MRPS5: variants seen among roughly 807,000 people sequenced by gnomAD.
MRPS5 encodes small ribosomal subunit protein uS5m.
In MRPS5, 27 loss-of-function variants were observed where a neutral mutation model predicts 51.9. That is an observed-to-expected ratio of 0.52 (90% CI 0.38 to 0.72). MRPS5 has a LOEUF of 0.72. Among genes scored for constraint, MRPS5 ranks in the 30% least tolerant of loss-of-function variants. MRPS5 has a pLI of 0.00. For synonymous variants in MRPS5, 196 were observed against 193.2 expected (o/e 1.01, Z -0.12); for missense variants, 570 against 545.7 (o/e 1.04, Z -0.44).
In MRPS5 at chr2:95,100,500, T is replaced by C. The variant is rs757309151; in HGVS notation, c.905A>G (p.His302Arg). 1.2e-6 allele frequency: 2 copies of C among 1,608,424 alleles called. No homozygotes were observed. Among genetic ancestry groups the C allele is most frequent in the South Asian group, 2.2e-5 (2 of 90,862 alleles). The stretch of plus-strand genomic sequence containing the variant: ...TTTGGGTTGTTTCTTCATCTTGATA[T>C]GCGTCCTTTTAAATCTTAATGAAAT... ...HDISLRFKRT[H>R]IKMKKQPKGY... Residue 302 changes from histidine (H) to arginine (R), a missense_variant, in exon 10 of 12, where the codon CAT becomes CGT. Physicochemically the swap from His to Arg is conservative, Grantham distance 29 (BLOSUM62 0). Transcript: ENST00000272418.
intron 10 of MRPS5, 94 bp from the exon 11 acceptor site, chr2:95,090,616 TC>T: frequency 6.9e-7 from 1 of 1,453,592 alleles, no homozygotes; most frequent in East Asian, 2.3e-5. Flanking sequence ...GCTCTGGGCT[TC>T]GGGAAACTGG....
intron 9 of MRPS5, 28 bp from the exon 10 acceptor site, chr2:95,100,564 G>A (rs1164258555): frequency 1.3e-6 from 2 of 1,534,238 alleles, no homozygotes; most frequent in Non-Finnish European, 1.8e-6. Context: ...AAACACAAGA[G>A]GATTAGGTGT....
chr2:95,109,797 C>T, intron 4 of MRPS5, 119 bp downstream of exon 4: 1 of 1,163,274 alleles, frequency 8.6e-7, no homozygotes, highest in Non-Finnish European at 1.2e-6. Flanking sequence ...AATTCTAAAA[C>T]CATAGATCGT....
chr2:95,097,383 A>T (rs1453660554), intron 10 of MRPS5, among the ~76,000 whole-genome samples: 1 of 152,220 alleles, frequency 6.6e-6, no homozygotes, highest in Non-Finnish European at 1.5e-5. Flanking sequence ...AAGAGCCCGC[A>T]TTGCCAAGAC....
At chr2:95,096,447 C>T (rs1675630369) in intron 10 of MRPS5, among the ~76,000 whole-genome samples, 1 of 152,180 alleles carries the variant, frequency 6.6e-6, no homozygotes, top group Non-Finnish European at 1.5e-5. Context: ...CAATAAAATA[C>T]TGGCAAACCA....
chr2:95,089,096 C>T (rs541827484), intron 11 of MRPS5, among the ~76,000 whole-genome samples: 4 of 152,012 alleles, frequency 2.6e-5, no homozygotes, highest in African/African-American at 7.2e-5. Context: ...AACCAAAAAC[C>T]AAAAACAGAA....
In MRPS5 at chr2:95,087,285, C is replaced by A; in HGVS notation, c.*72G>T. The A allele has an allele frequency of 8.3e-7, 1 of 1,203,168 alleles. No homozygotes were observed. The highest frequency in any genetic ancestry group is 1.2e-6 in the Non-Finnish European group (1 of 834,664). 74.5% of individuals were successfully genotyped at this position (1,203,168 alleles called of 1,614,324 possible). A position where few individuals can be genotyped will look rare whatever the true frequency, so the allele number is the denominator to read the frequency against. On this transcript the variant is annotated 3_prime_UTR_variant, in exon 12 of 12. Transcript: ENST00000272418. ...AACAAACAAAAGGCAAGGTAACATCCCAAGCTGTGAGGGGCTGAGTCTCTC... is the reference window on the plus strand; with the variant it reads ...AACAAACAAAAGGCAAGGTAACATCACAAGCTGTGAGGGGCTGAGTCTCTC...
intron 9 of MRPS5, 41 bp downstream of exon 9, chr2:95,100,796 A>T (rs1234599319): frequency 7.0e-7 from 1 of 1,434,494 alleles, no homozygotes; most frequent in Non-Finnish European, 9.5e-7. Context: ...TAACAAATGT[A>T]ATCCTGCAAA....
chr2:95,117,246 T>C (rs1229293393), intron 2 of MRPS5, among the ~76,000 whole-genome samples: 7 of 151,978 alleles, frequency 4.6e-5, no homozygotes, highest in Admixed American at 4.6e-4. Context: ...AATTTAAATC[T>C]CCTCTATTAA....
chr2:95,099,236 TA>T (rs957057351), intron 10 of MRPS5, among the ~76,000 whole-genome samples: 395 of 141,946 alleles, frequency 2.8e-3, no homozygotes, highest in Middle Eastern at 3.5e-3. Context: ...TTTTTAAAAT[TA>T]AAAAAAAAAA....
chr2:95,106,541 C>G (rs1675956150), intron 5 of MRPS5, 84 bp from the exon 6 acceptor site: 1 of 1,152,482 alleles, frequency 8.7e-7, no homozygotes, highest in African/African-American at 1.5e-5. Context: ...GGCACCATCA[C>G]AGACCTTTCG....
Position 95,087,156 on chromosome 2 carries a change from ATATG to A in MRPS5, c.*197_*200del. The A allele has an allele frequency of 2.0e-6, 1 of 507,818 alleles. No individual in the cohort carries two copies. The allele number at this position is 507,818 out of a possible 1,614,324, so 31.5% of individuals were successfully genotyped here. A position where few individuals can be genotyped will look rare whatever the true frequency, so the allele number is the denominator to read the frequency against. On this transcript the variant is annotated 3_prime_UTR_variant, in exon 12 of 12. Transcript: ENST00000272418. ...ATATTTAAAGTAGTCTTGAACTGAG[ATATG>A]TATGTAAAGGTTCTATCACATTGGC...
intron 2 of MRPS5, among the ~76,000 whole-genome samples, chr2:95,116,156 G>A (rs917379545): frequency 5.9e-5 from 9 of 151,738 alleles, no homozygotes; most frequent in African/African-American, 2.2e-4. Context: ...CACCCGCCTC[G>A]GCCTCCCAAA....
intron 1 of MRPS5, among the ~76,000 whole-genome samples, chr2:95,120,714 C>G (rs1433211150): frequency 2.0e-5 from 3 of 152,188 alleles, no homozygotes; most frequent in Admixed American, 6.5e-5. Flanking sequence ...CCTTAACTCC[C>G]TCATCTGTAA....
At position 95,119,846 on chromosome 2, in the gene MRPS5, T is replaced by C. The variant is rs562791133; in HGVS notation, c.58+1888A>G. Among the ~76,000 whole-genome samples the C allele has an allele frequency of 3.9e-5, 6 of 152,308 alleles. No individual in the cohort carries two copies. The South Asian group carries it at 1.2e-3, about 32-fold the overall frequency. On this transcript the variant is annotated intron_variant, in intron 1 of 11. Transcript: ENST00000272418. ...GGGAGGCCAAGGCGGGAGGATTGCC[T>C]GCACCCAGGAGTTAGAGACCAGCCT... is the stretch of plus-strand genomic sequence containing the variant.
intron 10 of MRPS5, chr2:95,090,862 C>T: frequency 4.2e-6 from 1 of 239,972 alleles, no homozygotes; most frequent in South Asian, 6.2e-5. Flanking sequence ...CACGTCTCTT[C>T]TCACCCTCCT....
intron 10 of MRPS5, among the ~76,000 whole-genome samples, chr2:95,099,415 TTTA>T (rs1388337996): frequency 1.3e-5 from 2 of 152,156 alleles, no homozygotes; most frequent in Non-Finnish European, 2.9e-5. Flanking sequence ...AGAGATGTGT[TTTA>T]TTAACCCAAT....
chr2:95,108,254 C>T lies in MRPS5; in HGVS notation c.558G>A (p.Lys186=), dbSNP rs1481481322. ...CACTCCATCCTCGCTCCCGTTTAAC[C>T]TTCATCTTCTTCTTTCGGTCCCACT... ...REEWDRKKKM[K]VKRERGWSGN... Residue 186 remains lysine (K), a synonymous_variant, in exon 5 of 12, where the codon AAG becomes AAA. Coordinates refer to ENST00000272418, the MANE Select transcript of MRPS5 (RefSeq NM_031902.5). The T allele has an allele frequency of 6.2e-7, 1 of 1,613,692 alleles. No homozygotes were observed. The highest frequency in any genetic ancestry group is 8.5e-7 in the Non-Finnish European group (1 of 1,179,822).
intron 1 of MRPS5, 108 bp downstream of exon 1, chr2:95,121,625 CG>C: frequency 1.5e-5 from 19 of 1,264,306 alleles, no homozygotes; most frequent in South Asian, 1.3e-4. Flanking sequence ...CGTGAAGAGC[CG>C]GGGGCCGCGG....
Sources: allele counts gnomAD v4.1 joint callset (sites outside exome capture counted in the v4.1 genomes callset), GRCh38; gene constraint gnomAD v4.1.1; transcripts MANE v1.5; gene names NCBI Gene and HGNC (gene_info 2026-07-23, HGNC 2026-07-21).